Variants in ACMSD observed in about 807,000 individuals in gnomAD.
ACMSD encodes the protein 2-amino-3-carboxymuconate-6-semialdehyde decarboxylase.
Under a neutral mutation model 45.9 loss-of-function variants are expected in ACMSD, and 37 were observed. The observed-to-expected ratio is 0.81, with a 90% CI of 0.62 to 1.06. The LOEUF (loss-of-function observed/expected upper bound fraction) is 1.06, where lower values mean the gene tolerates loss of function less well. Among genes scored for constraint, ACMSD ranks in the 50% least tolerant of loss-of-function variants. The pLI, the probability that ACMSD is intolerant of heterozygous loss-of-function variation, is 0.00. For synonymous variants in ACMSD, 138 were observed against 148.8 expected (o/e 0.93, Z 0.53); for missense variants, 434 against 420.9 (o/e 1.03, Z -0.27).
At chr2:134,855,686 G>A (rs1173093316) in intron 2 of ACMSD, among the ~76,000 whole-genome samples, 1 of 152,236 alleles carries the variant, frequency 6.6e-6, no homozygotes, top group Non-Finnish European at 1.5e-5. Context: ...AATTACACAA[G>A]TCAACTTGCT....
Position 134,845,230 on chromosome 2 carries a change from C to T in ACMSD, c.58-3C>T. On this transcript the variant is annotated splice_region_variant and splice_polypyrimidine_tract_variant and intron_variant, in intron 1 of 9. Coordinates refer to ENST00000356140, the MANE Select transcript of ACMSD (RefSeq NM_138326.3). Reference sequence around the variant, plus strand: ...ACTCTAACTGTGCTTCTCCCCACTGCAGAGGTTTGGCTACGGAGGCTGGGT... The same window carrying T: ...ACTCTAACTGTGCTTCTCCCCACTGTAGAGGTTTGGCTACGGAGGCTGGGT... The T allele has an allele frequency of 6.2e-7, 1 of 1,614,108 alleles. No homozygotes were observed. The highest frequency in any genetic ancestry group is 8.5e-7 in the Non-Finnish European group (1 of 1,179,988).
intron 2 of ACMSD, 126 bp from the exon 3 acceptor site, chr2:134,859,135 C>T (rs1042489294): frequency 1.3e-6 from 1 of 784,108 alleles, no homozygotes; most frequent in Non-Finnish European, 2.0e-6. Context: ...CTGATTTCTA[C>T]TTCCACAAGG....
At position 134,861,909 on chromosome 2, in the gene ACMSD, G is replaced by A. The variant is rs190193236; in HGVS notation, c.200-60G>A. 145 of 1,595,782 alleles carry A rather than the reference G, an allele frequency of 9.1e-5. No homozygotes were observed. In the African/African-American group the frequency reaches 1.8e-3, roughly 20 times the overall value. On this transcript the variant is annotated intron_variant, in intron 3 of 9. Coordinates refer to ENST00000356140, the MANE Select transcript of ACMSD (RefSeq NM_138326.3). ...CTTGCTGCCGCTTGGCCTTGGGAAA[G>A]GAAGGAGTGCCCAGCCTATTCTTCT... is the stretch of plus-strand genomic sequence containing the variant.
intron 2 of ACMSD, among the ~76,000 whole-genome samples, chr2:134,849,963 A>AACACACAC (rs10617563): frequency 1.4e-4 from 20 of 145,998 alleles, no homozygotes; most frequent in African/African-American, 4.5e-4. Flanking sequence ...GGGCCTTGGG[A>AACACACAC]ACACACACAC....
intron 2 of ACMSD, among the ~76,000 whole-genome samples, chr2:134,852,488 G>C (rs1269317658): frequency 6.6e-6 from 1 of 152,176 alleles, no homozygotes; most frequent in African/African-American, 2.4e-5. Flanking sequence ...TGAATTGGAT[G>C]GTGGCCTATC....
chr2:134,897,340 CTTTA>C (rs961044614), intron 8 of ACMSD, among the ~76,000 whole-genome samples: 1 of 152,058 alleles, frequency 6.6e-6, no homozygotes, highest in Non-Finnish European at 1.5e-5. Context: ...GTTCTAGACT[CTTTA>C]TTTCTCTTTA....
chr2:134,889,642 T>C (rs1689663329), intron 8 of ACMSD, among the ~76,000 whole-genome samples: 2 of 152,166 alleles, frequency 1.3e-5, no homozygotes, highest in South Asian at 4.2e-4. Flanking sequence ...TAAAGGATGA[T>C]TTAAAGTATG....
At chr2:134,859,427 C>A (rs1687745202) in intron 3 of ACMSD, 70 bp downstream of exon 3, 1 of 1,448,216 alleles carries the variant, frequency 6.9e-7, no homozygotes, top group Non-Finnish European at 9.7e-7. Context: ...AGTTTGCTGA[C>A]AACTTTATGT....
chr2:134,872,209 G>T (rs1441808047), intron 7 of ACMSD, among the ~76,000 whole-genome samples: 2 of 152,056 alleles, frequency 1.3e-5, no homozygotes, highest in African/African-American at 4.8e-5. Flanking sequence ...TGCCATCCTT[G>T]GCCTCCCAAA....
intron 1 of ACMSD, chr2:134,844,546 G>C (rs995378243): frequency 2.0e-5 from 3 of 152,734 alleles, no homozygotes; most frequent in Admixed American, 6.5e-5. Flanking sequence ...GGTGTGTTCA[G>C]TGTATTTATA....
chr2:134,899,398 G>A (rs750720484), intron 9 of ACMSD, among the ~76,000 whole-genome samples: 2 of 151,936 alleles, frequency 1.3e-5, no homozygotes, highest in Non-Finnish European at 2.9e-5. Context: ...GTCTTGAACT[G>A]TTAAATATTA....
intron 2 of ACMSD, among the ~76,000 whole-genome samples, chr2:134,851,859 A>T (rs1326543226): frequency 6.6e-6 from 1 of 152,136 alleles, no homozygotes; most frequent in East Asian, 1.9e-4. Context: ...CATTTCTCTG[A>T]TGATCAGTGA....
intron 8 of ACMSD, among the ~76,000 whole-genome samples, chr2:134,886,442 G>A (rs1269955915): frequency 6.6e-6 from 1 of 151,596 alleles, no homozygotes; most frequent in Non-Finnish European, 1.5e-5. Context: ...TAGAGACGGC[G>A]TTTCACCGCG....
chr2:134,886,244 T>C (rs905941813), intron 8 of ACMSD, among the ~76,000 whole-genome samples: 2 of 135,986 alleles, frequency 1.5e-5, no homozygotes, highest in Middle Eastern at 3.5e-3. Context: ...ATTATTATTA[T>C]TATTTTTTTT....
intron 8 of ACMSD, among the ~76,000 whole-genome samples, chr2:134,894,428 G>C (rs1689973523): frequency 6.6e-6 from 1 of 152,050 alleles, no homozygotes; most frequent in Non-Finnish European, 1.5e-5. Context: ...AGAAGAAATA[G>C]AAAGTTCAAA....
At chr2:134,877,934 T>C (rs1470845683) in intron 8 of ACMSD, among the ~76,000 whole-genome samples, 1 of 152,124 alleles carries the variant, frequency 6.6e-6, no homozygotes, top group Non-Finnish European at 1.5e-5. Flanking sequence ...CTCATTCCAC[T>C]CTCTGGCCAC....
In ACMSD at chr2:134,859,255, C is replaced by T. The variant is rs199676397; in HGVS notation, c.103-6C>T. On this transcript the variant is annotated splice_polypyrimidine_tract_variant and splice_region_variant and intron_variant, in intron 2 of 9. Coordinates refer to ENST00000356140, the MANE Select transcript of ACMSD (RefSeq NM_138326.3). ...GCATTTTAGTAATGTGGGTTTTCTG[C>T]CCCAGGGAGAAGCAAAGTTGTTGAA... is the stretch of plus-strand genomic sequence containing the variant. The T allele has an allele frequency of 6.2e-7, 1 of 1,613,450 alleles. No homozygotes were observed. Among genetic ancestry groups the T allele is most frequent in the Non-Finnish European group, 8.5e-7 (1 of 1,179,564 alleles).
rs369586948 is a variant in ACMSD, at chr2:134,898,440, G to A, written c.948+1G>A. 13 of 1,576,396 alleles carry A rather than the reference G, an allele frequency of 8.2e-6. No homozygotes were observed. In the African/African-American group the frequency reaches 1.5e-4, roughly 18 times the overall value. On this transcript the variant is annotated splice_donor_variant, in intron 9 of 9. Transcript: ENST00000356140. LOFTEE classifies it high-confidence loss of function. The stretch of plus-strand genomic sequence containing the variant: ...GGAAGAATTTGATGAAGAAACAAAG[G>A]TATAATGTCTTTTACTTCACGGCTT...
intron 5 of ACMSD, among the ~76,000 whole-genome samples, chr2:134,864,755 T>C (rs2104861899): frequency 6.6e-6 from 1 of 152,344 alleles, no homozygotes; most frequent in South Asian, 2.1e-4. Flanking sequence ...TTATACTTTC[T>C]ATACTTAAAA....
Sources: allele counts gnomAD v4.1 joint callset (sites outside exome capture counted in the v4.1 genomes callset), GRCh38; gene constraint gnomAD v4.1.1; transcripts MANE v1.5; gene names NCBI Gene and HGNC (gene_info 2026-07-23, HGNC 2026-07-21).